Variants in SH3PXD2A observed in about 807,000 individuals in gnomAD.
SH3PXD2A encodes SH3 and PX domains 2A.
Under a neutral mutation model 115.2 loss-of-function variants are expected in SH3PXD2A, and 32 were observed. The ratio of observed to expected loss-of-function variants is 0.28; its 90% CI spans 0.21 to 0.37. The LOEUF (loss-of-function observed/expected upper bound fraction) is 0.37. SH3PXD2A is among the 10% of genes least tolerant of loss of function. The pLI is 1.00. For synonymous variants in SH3PXD2A, 610 were observed against 629.1 expected, an observed-to-expected ratio of 0.97 and a Z score of 0.45; for missense variants, 1,328 against 1,498.7, an observed-to-expected ratio of 0.89 and a Z score of 1.88.
chr10:103,720,201 G>A (rs969479189), intron 5 of SH3PXD2A, among the ~76,000 whole-genome samples: 7 of 152,212 alleles, frequency 4.6e-5, no homozygotes, highest in African/African-American at 1.7e-4. Context: ...ATGATGGAAG[G>A]GGCAAGGGCC....
At chr10:103,726,882 T>C (rs996059992) in intron 4 of SH3PXD2A, among the ~76,000 whole-genome samples, 2 of 152,190 alleles carry the variant, frequency 1.3e-5, no homozygotes, top group African/African-American at 4.8e-5. Flanking sequence ...GAGCATGATG[T>C]AACCCTCAGT....
intron 1 of SH3PXD2A, among the ~76,000 whole-genome samples, chr10:103,842,018 G>C (rs906622215): frequency 6.6e-6 from 1 of 151,696 alleles, no homozygotes; most frequent in Non-Finnish European, 1.5e-5. Context: ...CCAGCTACTC[G>C]GGAGGCTGAG....
intron 8 of SH3PXD2A, among the ~76,000 whole-genome samples, chr10:103,654,975 T>TGCG (rs1554907367): frequency 6.6e-6 from 1 of 151,932 alleles, no homozygotes; most frequent in African/African-American, 2.4e-5. Context: ...GGCCCAAGAC[T>TGCG]GGGCTAGCAT....
At chr10:103,713,384 C>A (rs1277555816) in intron 5 of SH3PXD2A, among the ~76,000 whole-genome samples, 4 of 152,202 alleles carry the variant, frequency 2.6e-5, no homozygotes, top group Non-Finnish European at 5.9e-5. Flanking sequence ...AGGAGATAGC[C>A]CAGAGACCCC....
intron 10 of SH3PXD2A, among the ~76,000 whole-genome samples, chr10:103,617,910 C>G (rs937760292): frequency 1.3e-5 from 2 of 152,146 alleles, no homozygotes; most frequent in Admixed American, 6.5e-5. Flanking sequence ...ATGTAATCTC[C>G]CAAGAGGAGT....
At chr10:103,824,312 T>C (rs1036328103) in intron 1 of SH3PXD2A, among the ~76,000 whole-genome samples, 2 of 152,224 alleles carry the variant, frequency 1.3e-5, no homozygotes, top group Non-Finnish European at 2.9e-5. Flanking sequence ...CCTTAGCTTC[T>C]AATATTCTCT....
chr10:103,685,362 A>G (rs937623411), intron 6 of SH3PXD2A, among the ~76,000 whole-genome samples: 3 of 148,002 alleles, frequency 2.0e-5, no homozygotes, highest in African/African-American at 7.6e-5. Context: ...AAAAAAAAAA[A>G]GAGAATCCTG....
At chr10:103,689,532 G>A (rs1261622856) in intron 6 of SH3PXD2A, among the ~76,000 whole-genome samples, 1 of 152,154 alleles carries the variant, frequency 6.6e-6, no homozygotes, top group Non-Finnish European at 1.5e-5. Flanking sequence ...AGGTGTGGTG[G>A]CAGGTGCCTG....
intron 3 of SH3PXD2A, among the ~76,000 whole-genome samples, chr10:103,741,651 G>C (rs1034875294): frequency 6.6e-6 from 1 of 152,246 alleles, no homozygotes; most frequent in African/African-American, 2.4e-5. Context: ...GAGAGCCCAG[G>C]CTGTCGAGGG....
intron 5 of SH3PXD2A, among the ~76,000 whole-genome samples, chr10:103,696,978 C>CA (rs2037832552): frequency 2.0e-5 from 3 of 152,178 alleles, no homozygotes; most frequent in African/African-American, 2.4e-5. Flanking sequence ...CATCCCTCCC[C>CA]ATCTAAACAA....
At chr10:103,619,846 G>A (rs187238808) in intron 10 of SH3PXD2A, among the ~76,000 whole-genome samples, 13 of 152,324 alleles carry the variant, frequency 8.5e-5, no homozygotes, top group East Asian at 1.9e-4. Flanking sequence ...TGGGAGGCTC[G>A]TCCTGCCCCG....
chr10:103,740,208 G>C (rs1313969628), intron 3 of SH3PXD2A, among the ~76,000 whole-genome samples: 1 of 152,176 alleles, frequency 6.6e-6, no homozygotes, highest in Non-Finnish European at 1.5e-5. Flanking sequence ...TTTTGTCCTA[G>C]AGGAGATGGC....
chr10:103,757,733 A>G (rs34943195), intron 3 of SH3PXD2A, among the ~76,000 whole-genome samples: 15,316 of 152,234 alleles, frequency 0.1, 896 homozygotes, highest in Non-Finnish European at 0.12. Context: ...TGACAGTGAC[A>G]CTGCCATGTG....
chr10:103,657,373 T>G (rs771811073), intron 8 of SH3PXD2A, among the ~76,000 whole-genome samples: 18 of 152,198 alleles, frequency 1.2e-4, no homozygotes, highest in Non-Finnish European at 2.2e-4. Context: ...AAATTATGCC[T>G]GCTGGAGAGG....
chr10:103,608,361 G>A (rs1463360987), intron 13 of SH3PXD2A, among the ~76,000 whole-genome samples: 3 of 138,820 alleles, frequency 2.2e-5, no homozygotes, highest in East Asian at 4.4e-4. Flanking sequence ...CGTTTCTGCT[G>A]TTAAGCCACC....
Position 103,602,208 on chromosome 10 carries a change from T to C in SH3PXD2A, c.3010A>G (p.Thr1004Ala). 1 of 1,588,158 alleles carries C rather than the reference T, an allele frequency of 6.3e-7. No homozygotes were observed. Among genetic ancestry groups the C allele is most frequent in the Non-Finnish European group, 8.6e-7 (1 of 1,165,284 alleles). The change falls in exon 15 of 15, where the codon ACG (threonine) becomes GCG (alanine). Residue 1004 changes from threonine (T) to alanine (A), a missense_variant. Physicochemically the swap from Thr to Ala is moderately conservative, Grantham distance 58 (BLOSUM62 0). Coordinates refer to ENST00000369774, the MANE Select transcript of SH3PXD2A (RefSeq NM_001394015.1). ...SCALRRNESL[T>A]ATDGLRGVRR... is the part of the protein sequence containing the mutation. ...ACGCCTCGGAGGCCATCAGTGGCCG[T>C]GAGTGACTCATTCCTCCGCAGGGCG... is the stretch of plus-strand genomic sequence containing the variant.
At position 103,601,106 on chromosome 10, in the gene SH3PXD2A, C is replaced by T. The variant is rs2036208420; in HGVS notation, c.*710G>A. The T allele has an allele frequency of 6.6e-6, 1 of 152,278 alleles. No individual in the cohort carries two copies. The highest frequency in any genetic ancestry group is 2.1e-4 in the South Asian group (1 of 4,832). 9.4% of individuals were successfully genotyped at this position (152,278 alleles called of 1,614,324 possible). A position where few individuals can be genotyped will look rare whatever the true frequency, so the allele number is the denominator to read the frequency against. ...TCTGTAAACTCTGGTACTGTGTCCT[C>T]CATGGGGTGCCCCACGGAGAGCGGG... is the stretch of plus-strand genomic sequence containing the variant. On this transcript the variant is annotated 3_prime_UTR_variant, in exon 15 of 15. Transcript: ENST00000369774.
At chr10:103,807,495 G>A (rs2039218531) in intron 1 of SH3PXD2A, among the ~76,000 whole-genome samples, 1 of 152,218 alleles carries the variant, frequency 6.6e-6, no homozygotes, top group African/African-American at 2.4e-5. Flanking sequence ...ACATGACCAT[G>A]GGGCTGGGAT....
intron 10 of SH3PXD2A, among the ~76,000 whole-genome samples, chr10:103,619,734 C>T (rs1274609511): frequency 3.3e-5 from 5 of 152,164 alleles, no homozygotes; most frequent in East Asian, 1.9e-4. Context: ...CAGTTCTGGC[C>T]GGTAAAGTTG....
Sources: gnomAD v4.1 joint callset for allele counts (sites outside exome capture counted in the v4.1 genomes callset) on GRCh38, gnomAD v4.1.1 for gene constraint, MANE v1.5 for transcripts, NCBI Gene and HGNC (gene_info 2026-07-23, HGNC 2026-07-21) for gene names.